The following MAPT variants were observed in gnomAD, a reference collection of about 807,000 sequenced individuals.
The protein encoded by MAPT is microtubule associated protein tau, also known as microtubule-associated protein tau.
A neutral mutation model predicts 67.9 loss-of-function variants in MAPT; 34 were observed. The observed-to-expected ratio is 0.50, with a 90% CI of 0.38 to 0.67. The LOEUF is 0.67. Ranked by LOEUF, MAPT falls within the 30% of genes least tolerant of loss-of-function variation. MAPT has a pLI of 0.00. For synonymous variants in MAPT, 456 were observed against 464.5 expected (o/e 0.98, Z 0.23); for missense variants, 881 against 1,115.2 (o/e 0.79, Z 2.99).
intron 2 of MAPT, among the ~76,000 whole-genome samples, chr17:45,966,783 A>ATG (rs2071130009): frequency 6.6e-6 from 1 of 152,148 alleles, no homozygotes; most frequent in Non-Finnish European, 1.5e-5. Context: ...GCCAAAACAT[A>ATG]TGTGTGTGTA....
At chr17:45,901,638 G>A (rs923050951) in intron 1 of MAPT, among the ~76,000 whole-genome samples, 33 of 152,146 alleles carry the variant, frequency 2.2e-4, no homozygotes, top group African/African-American at 7.5e-4. Context: ...CAATATATCA[G>A]TTTTAAAAAG....
chr17:45,905,907 G>T (rs2064275839), intron 1 of MAPT, among the ~76,000 whole-genome samples: 1 of 152,248 alleles, frequency 6.6e-6, no homozygotes, highest in Non-Finnish European at 1.5e-5. Context: ...CCGCAGTCAG[G>T]TGCTGATCTG....
rs2073144373 is a variant in MAPT at position 45,983,123 on chromosome 17, G to A, written c.544G>A (p.Ala182Thr). ...LEWGQKGGDW[A>T]EKGPAFPKPA... ...GTGGGGACAAAAAGGCGGGGACTGGGCCGAGAAGGGTCCGGCCTTTCCGAA... is the reference window on the plus strand; with the variant it reads ...GTGGGGACAAAAAGGCGGGGACTGGACCGAGAAGGGTCCGGCCTTTCCGAA... Residue 182 changes from alanine (A) to threonine (T), a missense_variant, in exon 5 of 13, where the codon GCC becomes ACC. By Grantham distance (58) the Ala-to-Thr change is moderately conservative (BLOSUM62 0). Around this residue, in one of 6 missense-constraint regions of MAPT, gnomAD observed 687 missense variants for 766.1 expected, o/e 0.90. Transcript: ENST00000262410. 1 of 1,572,064 alleles carries A rather than the reference G, an allele frequency of 6.4e-7. No individual in the cohort carries two copies. The highest frequency in any genetic ancestry group is 8.6e-7 in the Non-Finnish European group (1 of 1,157,462).
chr17:46,010,543 G>A lies in MAPT; in HGVS notation c.2091+141G>A. ...ATCTGGCTGCGACCTCTGGGTGAAT[G>A]TAGCCCGGCTCCCCACATTCCCCCA... On this transcript the variant is annotated intron_variant, in intron 10 of 12. Transcript: ENST00000262410. The surrounding 1 kb of genome is among the most constrained non-coding windows in gnomAD (Gnocchi z 4.7). 1 of 716,780 alleles carries A rather than the reference G, an allele frequency of 1.4e-6. No homozygotes were observed. Among genetic ancestry groups the A allele is most frequent in the Admixed American group, 2.0e-5 (1 of 49,810 alleles). The allele number at this position is 716,780 out of a possible 1,614,324, so 44.4% of individuals were successfully genotyped here.
At position 45,995,476 on chromosome 17, in the gene MAPT, C is replaced by T. The variant is rs2074394848; in HGVS notation, c.1733-923C>T. Among the ~76,000 whole-genome samples the T allele has an allele frequency of 6.6e-6, 1 of 152,158 alleles. No homozygotes were observed. The highest frequency in any genetic ancestry group is 1.5e-5 in the Non-Finnish European group (1 of 68,042). ...TTCTGACGCAGGGTTCCGTGGGCCACACTTTGGAAAATACAGACCCATGAG... is the reference window on the plus strand; with the variant it reads ...TTCTGACGCAGGGTTCCGTGGGCCATACTTTGGAAAATACAGACCCATGAG... On this transcript the variant is annotated intron_variant, in intron 8 of 12. Transcript: ENST00000262410. This position sits in a 1 kb window ranked among gnomAD's most constrained non-coding sequence, Gnocchi z 4.3.
At chr17:45,999,544 G>C in intron 9 of MAPT, 13 of 1,613,406 alleles carry the variant, frequency 8.1e-6, no homozygotes, top group Non-Finnish European at 1.1e-5. Flanking sequence ...GAATGGGGCT[G>C]AGCAGGGAAG....
At chr17:45,927,343 A>G (rs995055542) in intron 1 of MAPT, among the ~76,000 whole-genome samples, 22 of 152,160 alleles carry the variant, frequency 1.4e-4, no homozygotes, top group African/African-American at 5.3e-4. Context: ...AGCAGAAGTC[A>G]AGACTCCCAG....
intron 12 of MAPT, 133 bp from the exon 13 acceptor site, chr17:46,023,823 A>T: frequency 1.3e-6 from 1 of 760,272 alleles, no homozygotes; most frequent in Non-Finnish European, 2.3e-6. Flanking sequence ...CCTGGGCGAT[A>T]GAGCAAGACC....
chr17:45,940,622 C>T (rs534202226), intron 1 of MAPT, among the ~76,000 whole-genome samples: 9 of 152,196 alleles, frequency 5.9e-5, no homozygotes, highest in South Asian at 2.1e-4. Context: ...GAAGAGGAGA[C>T]GACAGGGGAT....
chr17:45,967,072 C>T (rs2071162320), intron 2 of MAPT, among the ~76,000 whole-genome samples: 1 of 152,112 alleles, frequency 6.6e-6, no homozygotes, highest in Admixed American at 6.5e-5. Context: ...TGACAGAAGA[C>T]AAGAAACTAC....
chr17:45,927,167 A>T (rs1315604153), intron 1 of MAPT, among the ~76,000 whole-genome samples: 1 of 152,112 alleles, frequency 6.6e-6, no homozygotes, highest in South Asian at 2.1e-4. Context: ...AAAACAAAAA[A>T]TTGGAGGAAG....
At chr17:45,929,543 C>A (rs1232802119) in intron 1 of MAPT, among the ~76,000 whole-genome samples, 1 of 152,320 alleles carries the variant, frequency 6.6e-6, no homozygotes, top group East Asian at 1.9e-4. Flanking sequence ...TGTGTTGACT[C>A]TACTTTGCTC....
intron 4 of MAPT, among the ~76,000 whole-genome samples, chr17:45,981,813 G>A (rs1334539854): frequency 2.0e-5 from 3 of 151,856 alleles, no homozygotes; most frequent in Non-Finnish European, 2.9e-5. Flanking sequence ...CCAGGAGTTC[G>A]AGACCAGCCT....
intron 1 of MAPT, among the ~76,000 whole-genome samples, chr17:45,930,142 G>A (rs1165065502): frequency 6.6e-6 from 1 of 152,188 alleles, no homozygotes; most frequent in African/African-American, 2.4e-5. Flanking sequence ...GCTCATGCCT[G>A]TAATCCCAGC....
At chr17:45,922,979 C>G (rs1228339883) in intron 1 of MAPT, among the ~76,000 whole-genome samples, 1 of 152,242 alleles carries the variant, frequency 6.6e-6, no homozygotes, top group Non-Finnish European at 1.5e-5. Context: ...AGCCTGGACT[C>G]TGGAGTAGAA....
intron 11 of MAPT, among the ~76,000 whole-genome samples, chr17:46,015,842 CCTAA>C (rs963901835): frequency 1.1e-4 from 16 of 152,054 alleles, no homozygotes; most frequent in African/African-American, 3.1e-4. Flanking sequence ...AATATATACA[CCTAA>C]CTATGTACCC....
chr17:46,014,182 GTC>G (rs760689578), intron 10 of MAPT, 59 bp from the exon 11 acceptor site: 15 of 944,680 alleles, frequency 1.6e-5, no homozygotes, highest in East Asian at 9.8e-5. Context: ...TATCCTTTTT[GTC>G]TCTCTGTCTT....
At chr17:45,982,526 CAT>C (rs1466732760) in intron 4 of MAPT, among the ~76,000 whole-genome samples, 3 of 152,106 alleles carry the variant, frequency 2.0e-5, no homozygotes, top group African/African-American at 7.2e-5. Context: ...AGATGTGTGA[CAT>C]GCTCTGTGCC....
In MAPT at chr17:45,983,476, C is replaced by T. The variant is rs1359632247; in HGVS notation, c.897C>T (p.Val299=). 2.5e-6 allele frequency: 4 copies of T among 1,609,250 alleles called. No homozygotes were observed. The highest frequency in any genetic ancestry group is 2.5e-6 in the Non-Finnish European group (3 of 1,177,410). Residue 299 remains valine (V), a synonymous_variant, in exon 5 of 13, where the codon GTC becomes GTT. Coordinates refer to ENST00000262410, the MANE Select transcript of MAPT (RefSeq NM_001377265.1). Reference sequence around the variant, plus strand: ...AGGAGGTGGATGAAGACCGCGACGTCGATGAGTCCTCCCCCCAAGACTCCC... The same window carrying T: ...AGGAGGTGGATGAAGACCGCGACGTTGATGAGTCCTCCCCCCAAGACTCCC... The part of the protein sequence containing the change: ...SKEEVDEDRD[V]DESSPQDSPP...
Sources: gnomAD v4.1 joint callset for allele counts (sites outside exome capture counted in the v4.1 genomes callset) on GRCh38, gnomAD v4.1.1 for gene constraint, gnomAD v4.1.1 regional missense constraint, Gnocchi (gnomAD v3.1) non-coding constraint, MANE v1.5 for transcripts, NCBI Gene and HGNC (gene_info 2026-07-23, HGNC 2026-07-21) for gene names.